The following PCDH15 variants were observed in gnomAD, a reference collection of about 807,000 sequenced individuals.
The protein encoded by PCDH15 is protocadherin-15.
In PCDH15, 129 loss-of-function variants were observed where a neutral mutation model predicts 178.5. The ratio of observed to expected loss-of-function variants is 0.72; its 90% confidence interval spans 0.63 to 0.84. The LOEUF (loss-of-function observed/expected upper bound fraction) is 0.84. Among genes scored for constraint, PCDH15 ranks in the 40% least tolerant of loss-of-function variants. The pLI, the probability that PCDH15 is intolerant of heterozygous loss-of-function variation, is 0.00. For missense variants in PCDH15, 2,230 were observed against 2,099.9 expected (o/e 1.06, Z -1.21); for synonymous variants, 800 against 732.0 (o/e 1.09, Z -1.50).
intron 1 of PCDH15, among the ~76,000 whole-genome samples, chr10:55,256,820 G>A (rs1842012633): frequency 1.3e-5 from 2 of 152,176 alleles, no homozygotes; most frequent in African/African-American, 4.8e-5. Flanking sequence ...CAAACAAAAG[G>A]CAGCCAAAAC....
chr10:54,731,631 G>C (rs779835356), intron 1 of PCDH15, among the ~76,000 whole-genome samples: 1 of 147,246 alleles, frequency 6.8e-6, no homozygotes, highest in Non-Finnish European at 1.5e-5. Context: ...TCATACAAGA[G>C]AATGAAATCC....
intron 1 of PCDH15, among the ~76,000 whole-genome samples, chr10:54,733,720 G>C (rs1319398547): frequency 1.3e-5 from 2 of 151,452 alleles, no homozygotes; most frequent in African/African-American, 2.4e-5. Flanking sequence ...ATAGTAATCA[G>C]GACAGTATTT....
chr10:54,607,949 C>G (rs765620483), intron 2 of PCDH15: 1 of 503,460 alleles, frequency 2.0e-6, no homozygotes, highest in Non-Finnish European at 3.9e-6. Flanking sequence ...ACTTTTGCAC[C>G]AACCTAATAC....
intron 3 of PCDH15, among the ~76,000 whole-genome samples, chr10:54,454,864 T>C (rs1207658867): frequency 2.0e-5 from 3 of 152,144 alleles, no homozygotes; most frequent in Non-Finnish European, 4.4e-5. Flanking sequence ...GTTTTATAAC[T>C]TTGATAAGGT....
chr10:55,551,881 C>A (rs1842009882), intron 2 of PCDH15, among the ~76,000 whole-genome samples: 1 of 151,628 alleles, frequency 6.6e-6, no homozygotes, highest in Admixed American at 6.6e-5. Context: ...TTTGAAAATT[C>A]TTGGCAGTAA....
chr10:55,132,400 T>G (rs1230803192), intron 2 of PCDH15, among the ~76,000 whole-genome samples: 2 of 152,214 alleles, frequency 1.3e-5, no homozygotes, highest in Admixed American at 1.3e-4. Context: ...TGTAAAATAG[T>G]AATTCCTACC....
chr10:55,579,761 T>C (rs950019746), intron 2 of PCDH15, among the ~76,000 whole-genome samples: 3 of 152,196 alleles, frequency 2.0e-5, no homozygotes, highest in Non-Finnish European at 4.4e-5. Context: ...TCCACTCTTA[T>C]TCATCCATTC....
intron 3 of PCDH15, among the ~76,000 whole-genome samples, chr10:54,518,580 A>G (rs2082478779): frequency 6.6e-6 from 1 of 152,220 alleles, no homozygotes; most frequent in Non-Finnish European, 1.5e-5. Flanking sequence ...TAGCTTACCA[A>G]CCAAAAAGAG....
intron 15 of PCDH15, among the ~76,000 whole-genome samples, chr10:54,105,815 T>C (rs887793329): frequency 1.3e-5 from 2 of 152,164 alleles, no homozygotes; most frequent in South Asian, 2.1e-4. Context: ...TGAAAACTTA[T>C]GTTCACACAC....
At chr10:55,043,778 A>G (rs1030144445) in intron 2 of PCDH15, among the ~76,000 whole-genome samples, 1 of 151,654 alleles carries the variant, frequency 6.6e-6, no homozygotes, top group Non-Finnish European at 1.5e-5. Context: ...AGAAGAAAAA[A>G]ACACTCATAG....
intron 1 of PCDH15, among the ~76,000 whole-genome samples, chr10:54,795,423 A>C (rs1439553464): frequency 6.6e-6 from 1 of 151,906 alleles, no homozygotes; most frequent in East Asian, 1.9e-4. Context: ...GTAATTCTGC[A>C]AATCAATACC....
chr10:54,247,095 C>A (rs2132019104), intron 8 of PCDH15, among the ~76,000 whole-genome samples: 1 of 151,932 alleles, frequency 6.6e-6, no homozygotes, highest in Admixed American at 6.6e-5. Flanking sequence ...TATTTAGACC[C>A]TATTAGTGTT....
chr10:53,919,716 T>C (rs1029863062), intron 25 of PCDH15, among the ~76,000 whole-genome samples: 4 of 152,156 alleles, frequency 2.6e-5, no homozygotes, highest in African/African-American at 9.7e-5. Context: ...GAAGTAATCC[T>C]TGGATTTGTG....
chr10:54,757,995 T>G (rs575563527), intron 1 of PCDH15, among the ~76,000 whole-genome samples: 129 of 152,256 alleles, frequency 8.5e-4, no homozygotes, highest in African/African-American at 2.9e-3. Context: ...TGCTTTTCTT[T>G]CCCTTGTAAT....
chr10:54,480,408 C>T (rs1326958644), intron 3 of PCDH15, among the ~76,000 whole-genome samples: 1 of 151,928 alleles, frequency 6.6e-6, no homozygotes, highest in East Asian at 1.9e-4. Context: ...TCAGCAAAAC[C>T]GTAAGTGGCC....
intron 2 of PCDH15, among the ~76,000 whole-genome samples, chr10:54,943,303 C>T (rs1400709149): frequency 6.6e-6 from 1 of 151,948 alleles, no homozygotes; most frequent in Non-Finnish European, 1.5e-5. Context: ...ATTCTTCATA[C>T]ATTGCATCAT....
intron 1 of PCDH15, among the ~76,000 whole-genome samples, chr10:54,697,665 A>AG (rs1232032048): frequency 4.0e-5 from 1 of 25,250 alleles, no homozygotes; most frequent in East Asian, 8.6e-4. Context: ...AGGAAGGGGA[A>AG]GGGGGAAGGG....
At chr10:55,084,346 G>T (rs77693313) in intron 2 of PCDH15, among the ~76,000 whole-genome samples, 17 of 151,534 alleles carry the variant, frequency 1.1e-4, no homozygotes, top group Non-Finnish European at 1.6e-4. Context: ...TTCAAAAAAA[G>T]GTGCTTAGAG....
intron 8 of PCDH15, among the ~76,000 whole-genome samples, chr10:54,266,466 A>T (rs2057697767): frequency 6.6e-6 from 1 of 151,936 alleles, no homozygotes; most frequent in Non-Finnish European, 1.5e-5. Context: ...TAAGAACAGG[A>T]CTGAACAAAA....
Sources: allele counts gnomAD v4.1 joint callset (sites outside exome capture counted in the v4.1 genomes callset), GRCh38; gene constraint gnomAD v4.1.1; transcripts MANE v1.5; gene names NCBI Gene and HGNC (gene_info 2026-07-23, HGNC 2026-07-21).